SEC16B: variants seen among roughly 807,000 people sequenced by gnomAD.
SEC16B encodes the protein protein transport protein Sec16B.
A neutral mutation model predicts 141.8 loss-of-function variants in SEC16B; 115 were observed. The observed-to-expected ratio is 0.81, with a 90% CI of 0.70 to 0.95. The LOEUF (loss-of-function observed/expected upper bound fraction) is 0.95, where lower values mean the gene tolerates loss of function less well. Among genes scored for constraint, SEC16B ranks in the 40% least tolerant of loss-of-function variants. SEC16B has a pLI of 0.00. For synonymous variants in SEC16B, 493 were observed against 492.5 expected (o/e 1.00, Z -0.01); for missense variants, 1,291 against 1,312.3 (o/e 0.98, Z 0.25).
chr1:177,960,699 C>A, intron 7 of SEC16B, 92 bp downstream of exon 7: 2 of 1,387,802 alleles, frequency 1.4e-6, no homozygotes, highest in Non-Finnish European at 1.9e-6. Flanking sequence ...CTGGAGATGC[C>A]CCGGCTCAGG....
At chr1:177,936,659 A>G (rs1434799985) in intron 19 of SEC16B, among the ~76,000 whole-genome samples, 1 of 152,048 alleles carries the variant, frequency 6.6e-6, no homozygotes, top group African/African-American at 2.4e-5. Context: ...ACTCCTCTCC[A>G]TCTGAGCCTC....
chr1:177,961,981 G>A (rs1054719538), intron 5 of SEC16B, among the ~76,000 whole-genome samples: 2 of 152,126 alleles, frequency 1.3e-5, no homozygotes, highest in African/African-American at 4.8e-5. Context: ...CTGTGCCCCT[G>A]GACACGTGAC....
At chr1:177,956,075 G>A (rs1479310255) in intron 10 of SEC16B, among the ~76,000 whole-genome samples, 1 of 152,208 alleles carries the variant, frequency 6.6e-6, no homozygotes, top group Non-Finnish European at 1.5e-5. Context: ...GCCTATTTTG[G>A]TACTGGCCAT....
intron 22 of SEC16B, 138 bp downstream of exon 22, chr1:177,933,076 C>A: frequency 1.4e-6 from 1 of 718,702 alleles, no homozygotes. Flanking sequence ...CATTTCCCAC[C>A]ATATCCCATC....
At position 177,929,431 on chromosome 1, in the gene SEC16B, G is replaced by A. The variant is rs986262589; in HGVS notation, c.*427C>T. The A allele has an allele frequency of 5.2e-6, 1 of 190,694 alleles. No individual in the cohort carries two copies. Among genetic ancestry groups the A allele is most frequent in the African/African-American group, 2.3e-5 (1 of 43,376 alleles). The allele number at this position is 190,694 out of a possible 1,614,324, so 11.8% of individuals were successfully genotyped here. A position where few individuals can be genotyped will look rare whatever the true frequency, so the allele number is the denominator to read the frequency against. On this transcript the variant is annotated 3_prime_UTR_variant, in exon 26 of 26. Transcript: ENST00000308284. ...TATTGGTCTATTACTAAGACAGGAA[G>A]TAGTCAAAGTTGGTCTAGAATATTG...
intron 11 of SEC16B, among the ~76,000 whole-genome samples, chr1:177,953,518 C>T (rs1652364863): frequency 6.6e-6 from 1 of 152,190 alleles, no homozygotes; most frequent in Admixed American, 6.5e-5. Flanking sequence ...CCTGTGGATG[C>T]TAGGCGGAGC....
intron 1 of SEC16B, among the ~76,000 whole-genome samples, chr1:177,975,495 G>A (rs1002351503): frequency 1.3e-5 from 2 of 152,114 alleles, no homozygotes; most frequent in Non-Finnish European, 1.5e-5. Flanking sequence ...AAGGGCTGCT[G>A]TGTGGGATAT....
At chr1:177,936,231 A>G in intron 20 of SEC16B, 67 bp downstream of exon 20, 2 of 1,346,166 alleles carry the variant, frequency 1.5e-6, no homozygotes, top group Non-Finnish European at 2.1e-6. Context: ...CTGGGAAACC[A>G]AGGCAACTGG....
chr1:177,975,599 A>G (rs961269687), intron 1 of SEC16B, among the ~76,000 whole-genome samples: 4 of 152,200 alleles, frequency 2.6e-5, no homozygotes, highest in Admixed American at 2.0e-4. Context: ...AAGACAGTGA[A>G]AGAAAAACAT....
Position 177,960,782 on chromosome 1 carries a change from C to A in SEC16B, c.936+9G>T. ...TGCCAGCATTCCAGGGACACTGGGT[C>A]TTCTTTACCTCCATGCTGTGCAGTT... On this transcript the variant is annotated intron_variant, in intron 7 of 25. Transcript: ENST00000308284. 1 of 1,595,254 alleles carries A rather than the reference C, an allele frequency of 6.3e-7. No individual in the cohort carries two copies. The highest frequency in any genetic ancestry group is 2.3e-5 in the East Asian group (1 of 43,948).
At chr1:177,978,958 T>C in intron 1 of SEC16B, among the ~76,000 whole-genome samples, 1 of 152,166 alleles carries the variant, frequency 6.6e-6, no homozygotes, top group Admixed American at 6.5e-5. Flanking sequence ...ATGCCTATCC[T>C]TAGCTCATTA....
chr1:177,946,564 G>T, intron 13 of SEC16B, 33 bp from the exon 14 acceptor site: 1 of 1,498,192 alleles, frequency 6.7e-7, no homozygotes. Flanking sequence ...CCCAATCACG[G>T]AGCACACCCG....
rs746591287 is a variant in SEC16B at position 177,958,845 on chromosome 1, T to C, written c.1129A>G (p.Asn377Asp). Reference protein sequence around the residue: ...WQLLVLLCRQNGSMVGSDIAE... With the variant: ...WQLLVLLCRQDGSMVGSDIAE... ...CCCACCAGAACAGAACTTACCCCAT[T>C]CTGGCGACAAAGGAGAACCAAGAGC... The change falls in exon 9 of 26, where the codon AAT becomes GAT. Residue 377 changes from asparagine (N) to aspartate (D), a missense_variant. Coordinates refer to ENST00000308284, the MANE Select transcript of SEC16B (RefSeq NM_033127.4). 2.7e-5 allele frequency: 43 copies of C among 1,613,250 alleles called. No homozygotes were observed. The highest frequency in any genetic ancestry group is 5.0e-5 in the Admixed American group (3 of 59,946).
At chr1:177,981,294 G>A (rs552888183) in intron 1 of SEC16B, among the ~76,000 whole-genome samples, 1 of 152,158 alleles carries the variant, frequency 6.6e-6, no homozygotes, top group African/African-American at 2.4e-5. Context: ...CTCTATGAAT[G>A]AGCACAAAAT....
At chr1:177,940,476 T>G (rs1571314332) in intron 17 of SEC16B, 134 bp downstream of exon 17, 1 of 617,922 alleles carries the variant, frequency 1.6e-6, no homozygotes. Flanking sequence ...GCCTCATGGG[T>G]GATGGGAGAG....
chr1:177,962,702 T>G (rs899336085), intron 5 of SEC16B, among the ~76,000 whole-genome samples: 1 of 152,002 alleles, frequency 6.6e-6, no homozygotes, highest in Non-Finnish European at 1.5e-5. Context: ...GCTATGATCA[T>G]GCTGTTACAC....
At chr1:177,959,302 C>T (rs1019930057) in intron 8 of SEC16B, 1 of 361,366 alleles carries the variant, frequency 2.8e-6, no homozygotes, top group Non-Finnish European at 5.3e-6. Flanking sequence ...TGCCACTTCT[C>T]TGTTTAGACA....
Position 177,958,112 on chromosome 1 carries a change from T to C in SEC16B, c.1365+20A>G, listed in dbSNP as rs1460604857. On this transcript the variant is annotated intron_variant, in intron 10 of 25. Coordinates refer to ENST00000308284, the MANE Select transcript of SEC16B (RefSeq NM_033127.4). ...GGTGATTGCTTTTTCAAAATAAGTA[T>C]GGGGGAAGGGCATACTTGCCTTCTT... is the stretch of plus-strand genomic sequence containing the variant. The C allele has an allele frequency of 6.9e-7, 1 of 1,452,406 alleles. No individual in the cohort carries two copies. Among genetic ancestry groups the C allele is most frequent in the African/African-American group, 1.4e-5 (1 of 70,418 alleles). The allele number at this position is 1,452,406 out of a possible 1,614,324, so 90.0% of individuals were successfully genotyped here. A position where few individuals can be genotyped will look rare whatever the true frequency, so the allele number is the denominator to read the frequency against.
chr1:177,956,154 T>C (rs1389717533), intron 10 of SEC16B, among the ~76,000 whole-genome samples: 1 of 152,234 alleles, frequency 6.6e-6, no homozygotes, highest in Non-Finnish European at 1.5e-5. Context: ...TTATGCATTA[T>C]AATTATATGG....
Sources: allele counts gnomAD v4.1 joint callset (sites outside exome capture counted in the v4.1 genomes callset), GRCh38; gene constraint gnomAD v4.1.1; transcripts MANE v1.5; gene names NCBI Gene and HGNC (gene_info 2026-07-23, HGNC 2026-07-21).